The following PPP2R5C variants were observed in gnomAD, a reference collection of about 807,000 sequenced individuals.
The protein encoded by PPP2R5C is protein phosphatase 2 regulatory subunit B'gamma, also known as serine/threonine-protein phosphatase 2A 56 kDa regulatory subunit gamma isoform.
A neutral mutation model predicts 68.9 loss-of-function variants in PPP2R5C; 7 were observed. That is an observed-to-expected ratio of 0.10 (90% confidence interval 0.06 to 0.19). PPP2R5C has a LOEUF of 0.19. Ranked by LOEUF, PPP2R5C falls within the 10% of genes least tolerant of loss-of-function variation. The pLI is 1.00. For synonymous variants in PPP2R5C, 210 were observed against 222.2 expected, an observed-to-expected ratio of 0.95 and a Z score of 0.49; for missense variants, 348 against 641.3, an observed-to-expected ratio of 0.54 and a Z score of 4.94.
intron 1 of PPP2R5C, among the ~76,000 whole-genome samples, chr14:101,832,019 T>G (rs1046088631): frequency 1.1e-4 from 16 of 152,360 alleles, no homozygotes; most frequent in African/African-American, 3.8e-4. Flanking sequence ...TAGTATTGCA[T>G]TTGTAGAACC....
chr14:101,779,765 G>A lies in PPP2R5C; in HGVS notation c.94-6253G>A, dbSNP rs545127689. Among the ~76,000 whole-genome samples, 8 of 152,184 alleles carry A rather than the reference G, an allele frequency of 5.3e-5. No homozygotes were observed. The South Asian group carries it at 1.7e-3, about 32-fold the overall frequency. ...GAATGGTCTGATGGACCTTTAGAAA[G>A]GTCAGTCCAATAACAGTATGAAAAT... On this transcript the variant is annotated intron_variant, in intron 2 of 14. Coordinates refer to the PPP2R5C transcript ENST00000328724.
chr14:101,868,421 A>G (rs1376110739), intron 2 of PPP2R5C, among the ~76,000 whole-genome samples: 1 of 152,146 alleles, frequency 6.6e-6, no homozygotes. Flanking sequence ...TCTTTTTCCT[A>G]CTTCACCCCT....
chr14:101,793,821 T>C (rs182133848), intron 3 of PPP2R5C, among the ~76,000 whole-genome samples: 60 of 152,316 alleles, frequency 3.9e-4, no homozygotes, highest in African/African-American at 1.4e-3. Flanking sequence ...AAAGTGGCTC[T>C]CAGTGGGAAG....
chr14:101,870,447 T>C (rs571812105), intron 2 of PPP2R5C, among the ~76,000 whole-genome samples: 1 of 152,350 alleles, frequency 6.6e-6, no homozygotes, highest in African/African-American at 2.4e-5. Context: ...TTTTGTTCCT[T>C]TGTCAAAAAT....
intron 13 of PPP2R5C, among the ~76,000 whole-genome samples, chr14:101,920,825 G>A (rs2046958444): frequency 1.3e-5 from 2 of 152,086 alleles, no homozygotes; most frequent in Non-Finnish European, 2.9e-5. Flanking sequence ...GAGTGCAGTG[G>A]TGTGATCACA....
At chr14:101,817,923 G>T (rs2039820433) in intron 1 of PPP2R5C, 2 of 152,176 alleles carry the variant, frequency 1.3e-5, no homozygotes. Flanking sequence ...TGGTACTCTA[G>T]GGCCCCGCCA....
rs962441973 is a variant in PPP2R5C, at chr14:101,781,696, C to T, written c.94-4322C>T. Reference sequence around the variant, plus strand: ...TGCCCCGGCCTCCGCTGCCTCGCCCCGGAGCCCGGAGGAGGGGAGCCGGCC... The same window carrying T: ...TGCCCCGGCCTCCGCTGCCTCGCCCTGGAGCCCGGAGGAGGGGAGCCGGCC... On this transcript the variant is annotated intron_variant, in intron 2 of 14. Transcript: ENST00000328724. The surrounding 1 kb of genome is among the most constrained non-coding windows in gnomAD (Gnocchi z 6.4). Among the ~76,000 whole-genome samples the T allele has an allele frequency of 6.6e-5, 10 of 152,220 alleles. No individual in the cohort carries two copies. The highest frequency in any genetic ancestry group is 1.9e-4 in the East Asian group (1 of 5,166).
chr14:101,906,364 G>A lies in PPP2R5C; in HGVS notation c.1024-38G>A, dbSNP rs746595780. 1 of 1,553,784 alleles carries A rather than the reference G, an allele frequency of 6.4e-7. No individual in the cohort carries two copies. Among genetic ancestry groups the A allele is most frequent in the Non-Finnish European group, 8.7e-7 (1 of 1,151,210 alleles). On this transcript the variant is annotated intron_variant, in intron 9 of 13. Transcript: ENST00000334743. The surrounding 1 kb of genome is among the most constrained non-coding windows in gnomAD (Gnocchi z 4.0). The stretch of plus-strand genomic sequence containing the variant: ...CAAGGACAGCCACCTGATGTCTCAG[G>A]CACAACCTCCAGCAAGCCATCCACT...
chr14:101,894,668 A>T, intron 8 of PPP2R5C, 108 bp downstream of exon 10: 1 of 1,028,782 alleles, frequency 9.7e-7, no homozygotes, highest in Non-Finnish European at 1.5e-6. Context: ...TTTTCATCTT[A>T]AATTGCAATA....
Position 101,916,415 on chromosome 14 carries a change from A to C in PPP2R5C, c.1327-1416A>C, listed in dbSNP as rs2046671880. 6.6e-6 allele frequency among the ~76,000 whole-genome samples: 1 copy of C among 152,168 alleles called. No homozygotes were observed. Among genetic ancestry groups the C allele is most frequent in the South Asian group, 2.1e-4 (1 of 4,822 alleles). Reference sequence around the variant, plus strand: ...AGCCAGGGTGAATAAGGAGGGACAGAGGGTGTGGGAAAAGGCCGAAGACAG... The same window carrying C: ...AGCCAGGGTGAATAAGGAGGGACAGCGGGTGTGGGAAAAGGCCGAAGACAG... On this transcript the variant is annotated intron_variant, in intron 12 of 13. Transcript: ENST00000334743. The surrounding 1 kb of genome is among the most constrained non-coding windows in gnomAD (Gnocchi z 5.5).
intron 1 of PPP2R5C, chr14:101,820,585 G>A (rs1313569691): frequency 2.0e-5 from 3 of 152,186 alleles, no homozygotes; most frequent in South Asian, 2.1e-4. Flanking sequence ...GAAGAACATC[G>A]GCAATTTTTT....
At chr14:101,786,233 G>A in intron 3 of PPP2R5C, 50 bp downstream of exon 3, 1 of 1,436,530 alleles carries the variant, frequency 7.0e-7, no homozygotes, top group East Asian at 2.5e-5. Flanking sequence ...TTGGAGTGAA[G>A]GAGCAATGTT....
rs977286006 is a variant in PPP2R5C, at chr14:101,915,719, A to T, written c.1327-2112A>T. Among the ~76,000 whole-genome samples the T allele has an allele frequency of 6.6e-6, 1 of 152,260 alleles. No individual in the cohort carries two copies. The highest frequency in any genetic ancestry group is 2.4e-5 in the African/African-American group (1 of 41,478). ...CTGAATTGTGGAAATTTCTAGGGAT[A>T]CAAAGATGAGAACAAGACATAGCCC... On this transcript the variant is annotated intron_variant, in intron 12 of 13. Coordinates refer to ENST00000334743, the Ensembl canonical transcript of PPP2R5C. The surrounding 1 kb of genome is among the most constrained non-coding windows in gnomAD (Gnocchi z 4.2).
chr14:101,794,765 A>C (rs1027666138), intron 3 of PPP2R5C, among the ~76,000 whole-genome samples: 3 of 152,030 alleles, frequency 2.0e-5, no homozygotes, highest in Admixed American at 6.5e-5. Context: ...CTTTTCTTCC[A>C]TTGTGTCTTC....
chr14:101,761,055 G>GTGGA (rs2036493779), upstream of PPP2R5C, among the ~76,000 whole-genome samples: 19 of 126,008 alleles, frequency 1.5e-4, no homozygotes, highest in African/African-American at 6.5e-4. Flanking sequence ...ACGGAGGGGA[G>GTGGA]GGGAGTGGAG....
At chr14:101,826,481 C>A (rs1419662908) in intron 1 of PPP2R5C, among the ~76,000 whole-genome samples, 1 of 152,154 alleles carries the variant, frequency 6.6e-6, no homozygotes, top group African/African-American at 2.4e-5. Flanking sequence ...TTCTCTATTC[C>A]ATTGGTCTGT....
intron 1 of PPP2R5C, among the ~76,000 whole-genome samples, chr14:101,812,858 T>G (rs925109264): frequency 6.6e-6 from 1 of 152,234 alleles, no homozygotes; most frequent in Non-Finnish European, 1.5e-5. Flanking sequence ...CCTGATTTGT[T>G]GTCACGATCG....
intron 3 of PPP2R5C, among the ~76,000 whole-genome samples, chr14:101,791,601 C>A (rs2038368058): frequency 6.6e-6 from 1 of 151,708 alleles, no homozygotes; most frequent in Admixed American, 6.6e-5. Flanking sequence ...CGTTGTAAAT[C>A]TTCAGATTTG....
chr14:101,771,891 C>T (rs2037168331), intron 2 of PPP2R5C, among the ~76,000 whole-genome samples: 1 of 152,108 alleles, frequency 6.6e-6, no homozygotes, highest in African/African-American at 2.4e-5. Flanking sequence ...TTGTTGTTTG[C>T]TGCATATGGC....
Sources: gnomAD v4.1 joint callset for allele counts (sites outside exome capture counted in the v4.1 genomes callset) on GRCh38, gnomAD v4.1.1 for gene constraint, Gnocchi (gnomAD v3.1) non-coding constraint, MANE v1.5 for transcripts, NCBI Gene and HGNC (gene_info 2026-07-23, HGNC 2026-07-21) for gene names.